The following CIMIP2A variants were observed in gnomAD, a reference collection of about 807,000 sequenced individuals.
CIMIP2A encodes ciliary microtubule inner protein 2A.
chr9:137,245,395 C>A, the CIMIP2A span: 1 of 1,613,630 alleles, frequency 6.2e-7, no homozygotes, highest in Non-Finnish European at 8.5e-7. Context: ...TCTGGAGTCT[C>A]CCTTCCTGCC....
At chr9:137,251,847 A>AC in the CIMIP2A span, 7 of 1,607,054 alleles carry the variant, frequency 4.4e-6, no homozygotes, top group Non-Finnish European at 3.4e-6. Flanking sequence ...ACAGACGGGC[A>AC]CCCCCCAGGA....
At chr9:137,245,788 T>G in the CIMIP2A span, 1 of 1,538,074 alleles carries the variant, frequency 6.5e-7, no homozygotes, top group Non-Finnish European at 8.8e-7. Context: ...TGTGAGCAGC[T>G]GCCCCGTGGT....
At chr9:137,253,114 G>A in the CIMIP2A span, 1 of 1,562,352 alleles carries the variant, frequency 6.4e-7, no homozygotes, top group East Asian at 2.3e-5. Flanking sequence ...TCTTTCGGCA[G>A]CCCGAACCCC....
At chr9:137,245,818 A>T in the CIMIP2A span, 348 of 1,510,822 alleles carry the variant, frequency 2.3e-4, no homozygotes, top group Non-Finnish European at 3.0e-4. Flanking sequence ...GGTGTTCCCC[A>T]CCTGGTAGCG....
chr9:137,245,992 G>C, the CIMIP2A span: 14 of 595,884 alleles, frequency 2.3e-5, no homozygotes, highest in African/African-American at 2.4e-4. Flanking sequence ...CCTGCCCTCT[G>C]CTCACCTGTA....
At chr9:137,244,633 CT>C in the CIMIP2A span, 6 of 1,613,524 alleles carry the variant, frequency 3.7e-6, no homozygotes, top group Non-Finnish European at 4.2e-6. Flanking sequence ...CTGGATGGCG[CT>C]TTCCTACCTG....
chr9:137,243,613 G>T, the CIMIP2A span: 4 of 1,612,680 alleles, frequency 2.5e-6, no homozygotes, highest in Non-Finnish European at 3.4e-6. Context: ...TTCACTCCCA[G>T]CCTGTCCTGT....
the CIMIP2A span, chr9:137,244,171 CG>C: frequency 6.2e-7 from 1 of 1,613,674 alleles, no homozygotes; most frequent in Non-Finnish European, 8.5e-7. Flanking sequence ...CTCTACTCAC[CG>C]GGGATGAACC....
At chr9:137,247,884 C>T in the CIMIP2A span, 6 of 653,352 alleles carry the variant, frequency 9.2e-6, no homozygotes, top group African/African-American at 1.8e-5. Context: ...ACAGGTGAGA[C>T]ACTGAGGCCC....
At chr9:137,252,458 G>A in the CIMIP2A span, 1 of 1,611,194 alleles carries the variant, frequency 6.2e-7, no homozygotes. Context: ...CGCAGGGCAT[G>A]GCAGACTTTG....
chr9:137,245,004 T>G, the CIMIP2A span: 2 of 1,609,136 alleles, frequency 1.2e-6, no homozygotes, highest in Non-Finnish European at 1.7e-6. Flanking sequence ...TGGGCCCCTG[T>G]GGCAGCCTCC....
the CIMIP2A span, chr9:137,244,846 C>A: frequency 1.3e-6 from 2 of 1,566,954 alleles, no homozygotes; most frequent in African/African-American, 1.4e-5. Context: ...CCCTTTCGTT[C>A]CCTGAACGTT....
the CIMIP2A span, chr9:137,245,182 C>A: frequency 6.4e-7 from 1 of 1,560,542 alleles, no homozygotes; most frequent in Non-Finnish European, 8.6e-7. Context: ...TGGCGGCGGG[C>A]GGGGGGTGGG....
At chr9:137,245,714 C>T in the CIMIP2A span, 3 of 1,603,300 alleles carry the variant, frequency 1.9e-6, no homozygotes, top group East Asian at 2.2e-5. Context: ...CTGAAGTCCT[C>T]AATGAACTTG....
chr9:137,253,600 G>A, the CIMIP2A span: 1 of 913,530 alleles, frequency 1.1e-6, no homozygotes, highest in Non-Finnish European at 1.5e-6. Context: ...GCCCCTGAAA[G>A]GTGCTCTCTT....
chr9:137,248,894 G>A, the CIMIP2A span, among the ~76,000 whole-genome samples: 1 of 151,918 alleles, frequency 6.6e-6, no homozygotes, highest in Non-Finnish European at 1.5e-5. Flanking sequence ...ACAACTAAAA[G>A]GCAAACTAAA....
chr9:137,246,476 C>T, the CIMIP2A span, among the ~76,000 whole-genome samples: 1 of 152,190 alleles, frequency 6.6e-6, no homozygotes, highest in South Asian at 2.1e-4. Context: ...TTAAAAACTG[C>T]CAAAGGGCCG....
chr9:137,253,614 T>A, the CIMIP2A span: 1 of 818,878 alleles, frequency 1.2e-6, no homozygotes, highest in Non-Finnish European at 1.7e-6. Context: ...CTCTCTTCTC[T>A]AGGGTGGCAG....
chr9:137,251,848 C>G, the CIMIP2A span: 1 of 1,607,302 alleles, frequency 6.2e-7, no homozygotes, highest in South Asian at 1.1e-5. Flanking sequence ...CAGACGGGCA[C>G]CCCCCAGGAG....
Sources: allele counts gnomAD v4.1 joint callset (sites outside exome capture counted in the v4.1 genomes callset), GRCh38; gene constraint gnomAD v4.1.1; transcripts MANE v1.5; gene names NCBI Gene and HGNC (gene_info 2026-07-23, HGNC 2026-07-21).